The following GPR107 variants were observed in gnomAD, a reference collection of about 807,000 sequenced individuals.
GPR107 encodes the protein G protein-coupled receptor 107.
A neutral mutation model predicts 75.5 loss-of-function variants in GPR107; 31 were observed. That is an observed-to-expected ratio of 0.41 (90% confidence interval 0.31 to 0.55). The LOEUF (loss-of-function observed/expected upper bound fraction) is 0.55, where lower values mean the gene tolerates loss of function less well. Among genes scored for constraint, GPR107 ranks in the 20% least tolerant of loss-of-function variants. The pLI is 0.26. For synonymous variants in GPR107, 267 were observed against 251.3 expected, an observed-to-expected ratio of 1.06 and a Z score of -0.59; for missense variants, 572 against 665.7, an observed-to-expected ratio of 0.86 and a Z score of 1.55.
At position 130,135,044 on chromosome 9, in the gene GPR107, A is replaced by C; in HGVS notation, c.1582A>C (p.Met528Leu). The C allele has an allele frequency of 2.5e-6, 4 of 1,604,656 alleles. No individual in the cohort carries two copies. Among genetic ancestry groups the C allele is most frequent in the Non-Finnish European group, 3.4e-6 (4 of 1,171,944 alleles). Residue 528 changes from methionine (M) to leucine (L), a missense_variant, in exon 18 of 18, where the codon ATG becomes CTG. By Grantham distance (15) the Met-to-Leu change is conservative. Coordinates refer to ENST00000347136, the MANE Select transcript of GPR107 (RefSeq NM_020960.5). ...MESVVTTSGV[M>L]ESMKKVKKVT... Reference sequence around the variant, plus strand: ...GTTCAGTGTGACAACATCTGGGGTGATGGAAAGTATGAAGAAAGTCAAGAA... The same window carrying C: ...GTTCAGTGTGACAACATCTGGGGTGCTGGAAAGTATGAAGAAAGTCAAGAA...
intron 1 of GPR107, among the ~76,000 whole-genome samples, chr9:130,067,752 CT>C (rs11409264): frequency 3.4e-5 from 4 of 116,824 alleles, no homozygotes; most frequent in Admixed American, 1.0e-4. Context: ...CCACCGCCCC[CT>C]TTTTTTTTTT....
At chr9:130,087,805 C>CAAAAAAAAAAAAAAA (rs35984705) in intron 7 of GPR107, among the ~76,000 whole-genome samples, 5 of 87,634 alleles carry the variant, frequency 5.7e-5, no homozygotes, top group African/African-American at 9.0e-5. Context: ...GACCCTGTCT[C>CAAAAAAAAAAAAAAA]AAAAAAAAAA....
chr9:130,125,486 C>T (rs911186244), intron 15 of GPR107, among the ~76,000 whole-genome samples: 2 of 151,812 alleles, frequency 1.3e-5, no homozygotes, highest in East Asian at 3.9e-4. Context: ...AAGATCCTCC[C>T]GCCTCAGTCA....
rs2132614338 is a variant in GPR107, at chr9:130,103,927, T to C, written c.1132-493T>C. On this transcript the variant is annotated intron_variant, in intron 12 of 17. Coordinates refer to ENST00000347136, the MANE Select transcript of GPR107 (RefSeq NM_020960.5). This position sits in a 1 kb window ranked among gnomAD's most constrained non-coding sequence, Gnocchi z 4.3. ...GAGTGGCTAGCTGGGTAGGTCTGAC[T>C]TGGGTCTTGTGGTCATAGTCACACC... Among the ~76,000 whole-genome samples the C allele has an allele frequency of 6.6e-6, 1 of 152,320 alleles. No individual in the cohort carries two copies. The highest frequency in any genetic ancestry group is 2.1e-4 in the South Asian group (1 of 4,830).
At chr9:130,123,530 C>CTTTTTTTTTTTTTTTTTTTTTTT (rs57730952) in intron 14 of GPR107, among the ~76,000 whole-genome samples, 1 of 127,156 alleles carries the variant, frequency 7.9e-6, no homozygotes, top group Admixed American at 8.0e-5. Flanking sequence ...CTTTTCTTTT[C>CTTTTTTTTTTTTTTTTTTTTTTT]TTTTTTTTTT....
intron 14 of GPR107, among the ~76,000 whole-genome samples, chr9:130,115,703 C>T (rs1358704505): frequency 7.2e-6 from 1 of 139,104 alleles, no homozygotes; most frequent in East Asian, 2.1e-4. Context: ...AGACAGCTTG[C>T]AGTGAGCTGA....
intron 1 of GPR107, among the ~76,000 whole-genome samples, chr9:130,066,560 T>C (rs528077517): frequency 6.6e-6 from 1 of 152,272 alleles, no homozygotes; most frequent in South Asian, 2.1e-4. Flanking sequence ...TGTCCATCCG[T>C]AGGTTAGCCA....
chr9:130,101,294 T>C, intron 12 of GPR107, 71 bp downstream of exon 12: 1 of 837,270 alleles, frequency 1.2e-6, no homozygotes, highest in Admixed American at 1.8e-5. Flanking sequence ...CAAGCCTGTA[T>C]GGGAAGAGGG....
intron 15 of GPR107, among the ~76,000 whole-genome samples, chr9:130,126,308 T>C (rs1831682525): frequency 6.6e-6 from 1 of 151,906 alleles, no homozygotes; most frequent in Non-Finnish European, 1.5e-5. Context: ...CAGAGTTAGT[T>C]TGCTTCCTGA....
At chr9:130,077,216 G>A (rs1380680197) in intron 3 of GPR107, 83 bp from the exon 4 acceptor site, 8 of 798,976 alleles carry the variant, frequency 1.0e-5, no homozygotes, top group East Asian at 4.9e-5. Flanking sequence ...TTTGAGCCAC[G>A]TATTTGCTAT....
intron 4 of GPR107, among the ~76,000 whole-genome samples, chr9:130,078,769 G>T (rs631329): frequency 1 from 151,881 of 152,284 alleles, 75,742 homozygotes; most frequent in Non-Finnish European, 1. Flanking sequence ...CCTCCTCCAG[G>T]TAGAATGAGA....
intron 14 of GPR107, among the ~76,000 whole-genome samples, chr9:130,121,142 C>T (rs924998490): frequency 6.6e-6 from 1 of 152,046 alleles, no homozygotes; most frequent in African/African-American, 2.4e-5. Context: ...CATCACACCA[C>T]TGCACTCCAG....
intron 14 of GPR107, among the ~76,000 whole-genome samples, chr9:130,108,364 A>G (rs555610101): frequency 1.3e-5 from 2 of 152,398 alleles, no homozygotes; most frequent in African/African-American, 4.8e-5. Flanking sequence ...AAGCCAATGT[A>G]GATTCATTTT....
intron 1 of GPR107, among the ~76,000 whole-genome samples, chr9:130,066,793 G>A (rs867828267): frequency 1.2e-4 from 18 of 152,082 alleles, no homozygotes; most frequent in Non-Finnish European, 2.5e-4. Context: ...AGACCATCCT[G>A]GCTAACACGA....
At chr9:130,122,339 C>G (rs1051790461) in intron 14 of GPR107, among the ~76,000 whole-genome samples, 3 of 152,146 alleles carry the variant, frequency 2.0e-5, no homozygotes, top group Admixed American at 2.0e-4. Flanking sequence ...AGGCAGAGTA[C>G]AGTATGAGCT....
chr9:130,075,587 C>A (rs761584859), intron 1 of GPR107, 49 bp from the exon 2 acceptor site: 18 of 986,686 alleles, frequency 1.8e-5, no homozygotes, highest in Non-Finnish European at 2.6e-5. Flanking sequence ...GTTAAATAAT[C>A]AAAAGCACTT....
chr9:130,102,467 G>C (rs1001188069), intron 12 of GPR107, among the ~76,000 whole-genome samples: 1 of 152,206 alleles, frequency 6.6e-6, no homozygotes, highest in Non-Finnish European at 1.5e-5. Context: ...CTGAAAGACA[G>C]ACACACAGAG....
At chr9:130,070,676 A>G (rs1031426716) in intron 1 of GPR107, among the ~76,000 whole-genome samples, 8 of 152,208 alleles carry the variant, frequency 5.3e-5, no homozygotes, top group Non-Finnish European at 1.0e-4. Context: ...ACGAAAGTAT[A>G]AAAAAGTCAG....
At chr9:130,062,853 AG>A in intron 1 of GPR107, among the ~76,000 whole-genome samples, 1 of 152,140 alleles carries the variant, frequency 6.6e-6, no homozygotes, top group South Asian at 2.1e-4. Flanking sequence ...CCTGCCTAGT[AG>A]CTAGTACTAC....
Sources: gnomAD v4.1 joint callset for allele counts (sites outside exome capture counted in the v4.1 genomes callset) on GRCh38, gnomAD v4.1.1 for gene constraint, Gnocchi (gnomAD v3.1) non-coding constraint, MANE v1.5 for transcripts, NCBI Gene and HGNC (gene_info 2026-07-23, HGNC 2026-07-21) for gene names.